CFAP46: variants seen among roughly 807,000 people sequenced by gnomAD.
The protein encoded by CFAP46 is cilia and flagella associated protein 46, also known as cilia- and flagella-associated protein 46.
CFAP46 carries 245 observed loss-of-function variants against 325.7 expected under a neutral mutation model. The observed-to-expected ratio is 0.75, with a 90% CI of 0.68 to 0.84. The LOEUF (loss-of-function observed/expected upper bound fraction) is 0.84, where lower values mean the gene tolerates loss of function less well. CFAP46 is among the 40% of genes least tolerant of loss of function. The pLI, the probability that CFAP46 is intolerant of heterozygous loss-of-function variation, is 0.00. For missense variants in CFAP46, 3,346 were observed against 3,543.0 expected (o/e 0.94, Z 1.41); for synonymous variants, 1,523 against 1,495.9 (o/e 1.02, Z -0.42).
chr10:132,906,075 T>A (rs1849451949), intron 22 of CFAP46, among the ~76,000 whole-genome samples: 1 of 152,230 alleles, frequency 6.6e-6, no homozygotes, highest in East Asian at 1.9e-4. Flanking sequence ...AAAGATCATT[T>A]GCAGTGAAAA....
chr10:132,813,329 A>G (rs1847621019), intron 54 of CFAP46, among the ~76,000 whole-genome samples: 1 of 144,222 alleles, frequency 6.9e-6, no homozygotes, highest in African/African-American at 2.5e-5. Flanking sequence ...CTGCCCCTGC[A>G]GTGCCACCCT....
intron 50 of CFAP46, among the ~76,000 whole-genome samples, chr10:132,821,768 TGTGCTGTGTGA>T (rs1847840160): frequency 7.2e-6 from 1 of 137,940 alleles, no homozygotes; most frequent in Admixed American, 7.0e-5. Flanking sequence ...GTGTGTGCTG[TGTGCTGTGTGA>T]GTGCTGATGT....
chr10:132,941,900 C>G, intron 2 of CFAP46, 80 bp downstream of exon 2: 1 of 1,530,520 alleles, frequency 6.5e-7, no homozygotes. Flanking sequence ...CCCAGCCCCA[C>G]TCTGCATCCG....
intron 41 of CFAP46, among the ~76,000 whole-genome samples, chr10:132,849,709 C>G (rs541811954): frequency 6.6e-6 from 1 of 152,298 alleles, no homozygotes; most frequent in South Asian, 2.1e-4. Context: ...CTCAGAGCCA[C>G]CTGGGCATGG....
Position 132,846,879 on chromosome 10 carries a change from T to C in CFAP46, c.6267+53A>G. 1.9e-6 allele frequency: 3 copies of C among 1,551,196 alleles called. No homozygotes were observed. In the South Asian group the frequency reaches 3.7e-5, roughly 19 times the overall value. ...CGAGGGCCCCAGCTGAAGCCCAGGG[T>C]CCTCCCTCCTCCATGAAGGGCCTGG... On this transcript the variant is annotated intron_variant, in intron 43 of 57. Coordinates refer to ENST00000368586, the MANE Select transcript of CFAP46 (RefSeq NM_001200049.3).
chr10:132,891,541 T>G (rs1849254087), intron 25 of CFAP46, among the ~76,000 whole-genome samples: 1 of 152,248 alleles, frequency 6.6e-6, no homozygotes, highest in Non-Finnish European at 1.5e-5. Flanking sequence ...CCCAAGTATC[T>G]TTCTCTGACA....
intron 44 of CFAP46, among the ~76,000 whole-genome samples, chr10:132,843,584 TCGGTGGGTGTTCC>T (rs1254971777): frequency 7.5e-6 from 1 of 132,948 alleles, no homozygotes; most frequent in Non-Finnish European, 1.6e-5. Context: ...GGCTCTGGTC[TCGGTGGGTGTTCC>T]CAGGGTGCCA....
At chr10:132,907,067 C>T (rs961136391) in intron 22 of CFAP46, among the ~76,000 whole-genome samples, 22 of 152,378 alleles carry the variant, frequency 1.4e-4, no homozygotes, top group African/African-American at 4.1e-4. Context: ...CGGGTGTGGC[C>T]GACACAGGCC....
In CFAP46 at chr10:132,919,222, C is replaced by G; in HGVS notation, c.1858+93G>C. The G allele has an allele frequency of 1.5e-6, 2 of 1,343,412 alleles. No individual in the cohort carries two copies. Among genetic ancestry groups the G allele is most frequent in the Non-Finnish European group, 2.0e-6 (2 of 1,001,994 alleles). The allele number at this position is 1,343,412 out of a possible 1,614,324, so 83.2% of individuals were successfully genotyped here. Reference sequence around the variant, plus strand: ...CAATACGCTTTCTCATGCGAAGGCCCCATGGGTTGTCATTGCACGAACCAC... The same window carrying G: ...CAATACGCTTTCTCATGCGAAGGCCGCATGGGTTGTCATTGCACGAACCAC... On this transcript the variant is annotated intron_variant, in intron 15 of 57. Coordinates refer to ENST00000368586, the MANE Select transcript of CFAP46 (RefSeq NM_001200049.3). The surrounding 1 kb of genome is among the most constrained non-coding windows in gnomAD (Gnocchi z 9.7).
chr10:132,913,544 A>G (rs2135556778), intron 17 of CFAP46, among the ~76,000 whole-genome samples: 1 of 152,252 alleles, frequency 6.6e-6, no homozygotes, highest in South Asian at 2.1e-4. Context: ...TCCTTGCGAG[A>G]ATTGAACACC....
chr10:132,866,109 C>G lies in CFAP46; in HGVS notation c.4806G>C (p.Trp1602Cys). The G allele has an allele frequency of 6.5e-7, 1 of 1,546,260 alleles. No homozygotes were observed. The highest frequency in any genetic ancestry group is 2.0e-5 in the Admixed American group (1 of 50,494). Residue 1602 changes from tryptophan (W) to cysteine (C), a missense_variant, in exon 35 of 58, where the codon TGG becomes TGC. Coordinates refer to ENST00000368586, the MANE Select transcript of CFAP46 (RefSeq NM_001200049.3). ...DLDGTSFPHLWMLKAEVLLEM... is the reference protein window; with the variant it reads ...DLDGTSFPHLCMLKAEVLLEM... ...CCAGCAGAACTTCTGCCTTCAGCAT[C>G]CACAGGTGGGGAAAGGACGTCCCAT...
At chr10:132,906,092 C>T (rs1458604189) in intron 22 of CFAP46, among the ~76,000 whole-genome samples, 3 of 152,248 alleles carry the variant, frequency 2.0e-5, no homozygotes, top group Non-Finnish European at 4.4e-5. Context: ...AAAAGCCCGT[C>T]GATGTTGGCA....
chr10:132,922,300 T>C, intron 12 of CFAP46, 76 bp from the exon 13 acceptor site: 1 of 1,504,552 alleles, frequency 6.6e-7, no homozygotes, highest in South Asian at 1.3e-5. Flanking sequence ...TGGAGCCTCC[T>C]GGCCTTTGGC....
chr10:132,906,743 C>A (rs1245959600), intron 22 of CFAP46, among the ~76,000 whole-genome samples: 1 of 91,666 alleles, frequency 1.1e-5, no homozygotes, highest in African/African-American at 6.6e-5. Flanking sequence ...GGGGTCCTGG[C>A]GCGTGATGCC....
At position 132,817,396 on chromosome 10, in the gene CFAP46, CT is replaced by C. The variant is rs1377230145; in HGVS notation, c.7118-2483del. 6.6e-6 allele frequency among the ~76,000 whole-genome samples: 1 copy of C among 152,244 alleles called. No individual in the cohort carries two copies. Among genetic ancestry groups the C allele is most frequent in the East Asian group, 1.9e-4 (1 of 5,204 alleles). ...GCATGCGGCTGGCACCTCTTATCTCCTGTGTCTTCTCACTGGCAGGGTTGGC... is the reference window on the plus strand; with the variant it reads ...GCATGCGGCTGGCACCTCTTATCTCCGTGTCTTCTCACTGGCAGGGTTGGC... On this transcript the variant is annotated intron_variant, in intron 50 of 57. Transcript: ENST00000368586. The surrounding 1 kb of genome is among the most constrained non-coding windows in gnomAD (Gnocchi z 4.4).
chr10:132,938,586 C>T lies in CFAP46; in HGVS notation c.536+3G>A. ...CACAGAGGGCACGGCGAGCTCAACT[C>T]ACAGCATCAGCTCAGCACGCCACTC... is the stretch of plus-strand genomic sequence containing the variant. On this transcript the variant is annotated splice_donor_region_variant and intron_variant, in intron 5 of 57. Coordinates refer to ENST00000368586, the MANE Select transcript of CFAP46 (RefSeq NM_001200049.3). The T allele has an allele frequency of 6.2e-7, 1 of 1,612,528 alleles. No individual in the cohort carries two copies. The highest frequency in any genetic ancestry group is 8.5e-7 in the Non-Finnish European group (1 of 1,179,696).
chr10:132,936,441 T>C (rs1464622234), intron 7 of CFAP46, among the ~76,000 whole-genome samples: 178 of 78,476 alleles, frequency 2.3e-3, no homozygotes, highest in African/African-American at 3.7e-3. Context: ...CCCCTCGGCA[T>C]CCAAACACAC....
chr10:132,859,387 A>G (rs986066874), intron 37 of CFAP46, 140 bp from the exon 38 acceptor site: 19 of 679,668 alleles, frequency 2.8e-5, no homozygotes, highest in South Asian at 2.1e-4. Context: ...TCGAAAATCA[A>G]CATCATATGG....
intron 32 of CFAP46, among the ~76,000 whole-genome samples, chr10:132,871,559 T>C (rs991671057): frequency 1.3e-5 from 2 of 152,168 alleles, no homozygotes; most frequent in Admixed American, 1.3e-4. Flanking sequence ...ACCTCATGGA[T>C]GACTTTGAAG....
Sources: allele counts gnomAD v4.1 joint callset (sites outside exome capture counted in the v4.1 genomes callset), GRCh38; gene constraint gnomAD v4.1.1; non-coding constraint Gnocchi (gnomAD v3.1); transcripts MANE v1.5; gene names NCBI Gene and HGNC (gene_info 2026-07-23, HGNC 2026-07-21).